Variants in ASIP observed in about 807,000 individuals in gnomAD.
ASIP encodes the protein agouti-signaling protein.
ASIP carries 11 observed loss-of-function variants against 10.3 expected under a neutral mutation model. The observed-to-expected ratio is 1.07, with a 90% CI of 0.68 to 1.78. The LOEUF (loss-of-function observed/expected upper bound fraction) is 1.78. Ranked by LOEUF, ASIP falls within the 40% of genes most tolerant of loss-of-function variation. The pLI is 0.00. For synonymous variants in ASIP, 70 were observed against 70.8 expected (o/e 0.99, Z 0.06); for missense variants, 180 against 169.2 (o/e 1.06, Z -0.35).
At chr20:34,191,730 CTTTT>C (rs58407816), upstream of ASIP, among the ~76,000 whole-genome samples, 3 of 125,162 alleles carry the variant, frequency 2.4e-5, no homozygotes, top group Non-Finnish European at 1.6e-5. Flanking sequence ...CTCTCTCTCT[CTTTT>C]TTTTTTTTTT....
At chr20:34,215,524 C>G in intron 1 of ASIP, 2 of 1,519,588 alleles carry the variant, frequency 1.3e-6, no homozygotes, top group East Asian at 2.3e-5. Flanking sequence ...AAAAAAAAAA[C>G]TTGGGCCACT....
intron 1 of ASIP, among the ~76,000 whole-genome samples, chr20:34,252,432 G>A (rs1331219787): frequency 1.3e-5 from 2 of 152,184 alleles, no homozygotes; most frequent in Admixed American, 6.6e-5. Flanking sequence ...TGTGCACGTA[G>A]GCTAGATTTA....
intron 1 of ASIP, chr20:34,215,891 A>G: frequency 1.0e-6 from 1 of 961,626 alleles, no homozygotes. Context: ...CTGTTTATCC[A>G]TCCTTGCTGC....
intron 1 of ASIP, among the ~76,000 whole-genome samples, chr20:34,210,786 A>G (rs1402095046): frequency 6.6e-6 from 1 of 152,210 alleles, no homozygotes; most frequent in African/African-American, 2.4e-5. Flanking sequence ...AAAGGCTTTC[A>G]GTTTTTCCCC....
At chr20:34,257,982 A>G (rs922476795) in intron 1 of ASIP, among the ~76,000 whole-genome samples, 1 of 152,106 alleles carries the variant, frequency 6.6e-6, no homozygotes, top group Non-Finnish European at 1.5e-5. Flanking sequence ...TGTCTCTACA[A>G]AAAATACAAA....
In ASIP at chr20:34,269,328, A is replaced by T; in HGVS notation, c.*161A>T. The T allele has an allele frequency of 2.2e-6, 2 of 918,954 alleles. No homozygotes were observed. Among genetic ancestry groups the T allele is most frequent in the Non-Finnish European group, 3.1e-6 (2 of 643,880 alleles). The allele number at this position is 918,954 out of a possible 1,614,324, so 56.9% of individuals were successfully genotyped here. On this transcript the variant is annotated 3_prime_UTR_variant, in exon 4 of 4. Coordinates refer to ENST00000374954, the MANE Select transcript of ASIP (RefSeq NM_001672.3). The stretch of plus-strand genomic sequence containing the variant: ...CTGGCTTGGGCTAAAATCGAAATAC[A>T]ATATATATAGGCTGCTCGAAGGTGT...
At chr20:34,201,052 C>CT (rs1261360496) in intron 1 of ASIP, among the ~76,000 whole-genome samples, 11 of 97,382 alleles carry the variant, frequency 1.1e-4, no homozygotes, top group Admixed American at 1.1e-4. Context: ...TTCTTTCTTT[C>CT]TTTCTTTCTT....
intron 1 of ASIP, among the ~76,000 whole-genome samples, chr20:34,209,720 C>T (rs560931779): frequency 6.6e-6 from 1 of 152,292 alleles, no homozygotes; most frequent in South Asian, 2.1e-4. Context: ...GGGGCACCAA[C>T]GAGAATGGGA....
intron 1 of ASIP, among the ~76,000 whole-genome samples, chr20:34,245,290 T>C (rs1177348537): frequency 1.4e-5 from 2 of 138,522 alleles, no homozygotes; most frequent in Non-Finnish European, 3.1e-5. Flanking sequence ...GCTGAGATCA[T>C]GCCATTGCAC....
At chr20:34,244,762 T>C (rs1273801222) in intron 1 of ASIP, among the ~76,000 whole-genome samples, 2 of 152,226 alleles carry the variant, frequency 1.3e-5, no homozygotes, top group South Asian at 2.1e-4. Flanking sequence ...TAGCATACTT[T>C]ATCAAATAAT....
chr20:34,251,566 G>A (rs900829528), intron 1 of ASIP, among the ~76,000 whole-genome samples: 2 of 152,148 alleles, frequency 1.3e-5, no homozygotes, highest in Non-Finnish European at 2.9e-5. Context: ...GAGCCACCGC[G>A]CCTGACCTTC....
At chr20:34,187,520 T>C in the ASIP span, among the ~76,000 whole-genome samples, 1 of 152,234 alleles carries the variant, frequency 6.6e-6, no homozygotes, top group Non-Finnish European at 1.5e-5. Flanking sequence ...GGGCTGAGAA[T>C]CTACTGACGG....
At chr20:34,236,578 C>T (rs11907139), upstream of ASIP, among the ~76,000 whole-genome samples, 21,660 of 151,944 alleles carry the variant, frequency 0.14, 5,237 homozygotes, top group African/African-American at 0.49. Flanking sequence ...CAGCCTGGCA[C>T]AGTGGCTCAC....
At chr20:34,207,035 G>A (rs1163939877) in intron 1 of ASIP, among the ~76,000 whole-genome samples, 1 of 152,172 alleles carries the variant, frequency 6.6e-6, no homozygotes, top group Non-Finnish European at 1.5e-5. Context: ...GAGATTGCTG[G>A]ATCATATGGT....
intron 3 of ASIP, among the ~76,000 whole-genome samples, chr20:34,267,459 CA>C (rs953440256): frequency 7.2e-3 from 335 of 46,268 alleles, no homozygotes; most frequent in East Asian, 0.026. Context: ...AACTGGCTCT[CA>C]AAAAAAAAAA....
intron 1 of ASIP, among the ~76,000 whole-genome samples, chr20:34,196,987 C>CTTTT (rs74271768): frequency 1.1e-3 from 144 of 135,576 alleles, no homozygotes; most frequent in African/African-American, 3.8e-3. Flanking sequence ...CTTAAACATT[C>CTTTT]TTTTTTTTTT....
In ASIP at chr20:34,222,283, A is replaced by G. The variant is rs570150015; in HGVS notation, c.-11+27523A>G. The stretch of plus-strand genomic sequence containing the variant: ...GCTACAGGGAGGAAGGATAATTAAA[A>G]AAAAAAAGGCTACAGATGGAGGAGG... On this transcript the variant is annotated intron_variant, in intron 1 of 3. Coordinates refer to the ASIP transcript ENST00000568305. 2.0e-5 allele frequency among the ~76,000 whole-genome samples: 3 copies of G among 152,188 alleles called. No homozygotes were observed. In the East Asian group the frequency reaches 5.8e-4, roughly 29 times the overall value.
chr20:34,235,867 A>AGC lies in ASIP; in HGVS notation c.-10-24498_-10-24497insGC, dbSNP rs1289662891. 2.2e-4 allele frequency among the ~76,000 whole-genome samples: 6 copies of AGC among 27,056 alleles called. No individual in the cohort carries two copies. In the African/African-American group the frequency reaches 2.5e-3, roughly 11 times the overall value. 17.7% of individuals were successfully genotyped at this position (27,056 alleles called of 152,430 possible). A position where few individuals can be genotyped will look rare whatever the true frequency, so the allele number is the denominator to read the frequency against. On this transcript the variant is annotated intron_variant, in intron 1 of 3. Transcript: ENST00000568305. ...AAGGAAGGAAGGAAGGAAGGAAGGA[A>AGC]AGGAAGGAAGGAAGGAAGGAAGGAA...
intron 1 of ASIP, 118 bp from the exon 2 acceptor site, chr20:34,260,247 C>T: frequency 9.7e-7 from 1 of 1,032,446 alleles, no homozygotes; most frequent in Non-Finnish European, 1.4e-6. Context: ...TCCAGCTCCA[C>T]CAGGACACTT....
Sources: allele counts gnomAD v4.1 joint callset (sites outside exome capture counted in the v4.1 genomes callset), GRCh38; gene constraint gnomAD v4.1.1; transcripts MANE v1.5; gene names NCBI Gene and HGNC (gene_info 2026-07-23, HGNC 2026-07-21).